Variants in ANK3 observed in about 807,000 individuals in gnomAD.
ANK3 encodes the protein ankyrin-3.
A neutral mutation model predicts 370.9 loss-of-function variants in ANK3; 57 were observed. The ratio of observed to expected loss-of-function variants is 0.15; its 90% CI spans 0.12 to 0.19. The LOEUF is 0.19. ANK3 is among the 10% of genes least tolerant of loss of function. ANK3 has a pLI of 1.00. For synonymous variants in ANK3, 1,929 were observed against 1,946.3 expected (o/e 0.99, Z 0.23); for missense variants, 4,439 against 5,302.1 (o/e 0.84, Z 5.06).
chr10:60,408,043 C>T (rs2063488139), intron 2 of ANK3, among the ~76,000 whole-genome samples: 1 of 152,214 alleles, frequency 6.6e-6, no homozygotes, highest in Admixed American at 6.5e-5. Context: ...ACTTACTTTC[C>T]AACCCACCTT....
intron 1 of ANK3, among the ~76,000 whole-genome samples, chr10:60,359,949 C>A (rs1268640249): frequency 6.6e-6 from 1 of 152,220 alleles, no homozygotes; most frequent in Non-Finnish European, 1.5e-5. Flanking sequence ...GGATTAAGCA[C>A]AACTCTACTA....
intron 43 of ANK3, among the ~76,000 whole-genome samples, chr10:60,033,952 A>G (rs1488833498): frequency 6.6e-6 from 1 of 152,076 alleles, no homozygotes; most frequent in African/African-American, 2.4e-5. Flanking sequence ...AAATTTTTTA[A>G]AACTCGATAA....
chr10:60,186,970 G>T (rs1470456466), intron 16 of ANK3, 58 bp from the exon 17 acceptor site: 1 of 1,488,488 alleles, frequency 6.7e-7, no homozygotes, highest in Non-Finnish European at 9.4e-7. Flanking sequence ...TGTGCACAGT[G>T]CATTTTCAAA....
intron 2 of ANK3, among the ~76,000 whole-genome samples, chr10:60,508,853 A>T (rs1048082331): frequency 1.3e-5 from 2 of 152,176 alleles, no homozygotes; most frequent in African/African-American, 4.8e-5. Context: ...CAGAAGTAGA[A>T]TATTTTCTTT....
intron 2 of ANK3, among the ~76,000 whole-genome samples, chr10:60,588,481 C>T (rs1484077424): frequency 1.3e-5 from 2 of 151,914 alleles, no homozygotes; most frequent in Non-Finnish European, 2.9e-5. Flanking sequence ...CAACGCCTGG[C>T]CTGTTTCTCA....
chr10:60,342,686 A>T (rs1456008183), intron 1 of ANK3, among the ~76,000 whole-genome samples: 1 of 152,174 alleles, frequency 6.6e-6, no homozygotes, highest in Non-Finnish European at 1.5e-5. Context: ...CTGAGCATTG[A>T]ACCAGACAAG....
chr10:60,530,831 G>A (rs1435699511), intron 2 of ANK3, among the ~76,000 whole-genome samples: 2 of 152,092 alleles, frequency 1.3e-5, no homozygotes, highest in Non-Finnish European at 2.9e-5. Flanking sequence ...GGTTGGGTGG[G>A]GGACATATCC....
intron 7 of ANK3, among the ~76,000 whole-genome samples, chr10:60,248,520 G>A (rs969588241): frequency 6.6e-6 from 1 of 151,796 alleles, no homozygotes; most frequent in Non-Finnish European, 1.5e-5. Flanking sequence ...TAGAAAAAGA[G>A]TTCTGCTACA....
At chr10:60,717,033 T>G (rs2079800655) in intron 1 of ANK3, among the ~76,000 whole-genome samples, 1 of 152,220 alleles carries the variant, frequency 6.6e-6, no homozygotes. Flanking sequence ...CCTCCTCACT[T>G]TATCCCTTGA....
chr10:60,635,479 T>C (rs890247793), intron 1 of ANK3, among the ~76,000 whole-genome samples: 5 of 152,186 alleles, frequency 3.3e-5, no homozygotes, highest in African/African-American at 7.2e-5. Flanking sequence ...TAAGGCCTGA[T>C]AGACCTAATA....
chr10:60,713,351 T>C (rs2133432011), intron 1 of ANK3, among the ~76,000 whole-genome samples: 1 of 152,260 alleles, frequency 6.6e-6, no homozygotes, highest in African/African-American at 2.4e-5. Context: ...AATACACTTC[T>C]AAATAACATG....
At chr10:60,255,154 C>A (rs2097717429) in intron 7 of ANK3, among the ~76,000 whole-genome samples, 1 of 152,104 alleles carries the variant, frequency 6.6e-6, no homozygotes, top group African/African-American at 2.4e-5. Flanking sequence ...CTTAAAAAAT[C>A]ATTATTACTA....
intron 1 of ANK3, among the ~76,000 whole-genome samples, chr10:60,654,945 G>T (rs1195704795): frequency 2.6e-5 from 4 of 152,056 alleles, no homozygotes; most frequent in Non-Finnish European, 5.9e-5. Flanking sequence ...AAGATTTTAA[G>T]GGAGCTGAAA....
At position 60,363,197 on chromosome 10, in the gene ANK3, A is replaced by T. The variant is rs563750115; in HGVS notation, c.114+26228T>A. 3.7e-4 allele frequency among the ~76,000 whole-genome samples: 56 copies of T among 152,236 alleles called. 1 individual carries two copies. The South Asian group carries it at 0.011, about 31-fold the overall frequency. On this transcript the variant is annotated intron_variant, in intron 1 of 43. Transcript: ENST00000280772. ...CTGCTTTTTTTGATAAAGGCACTGA[A>T]TAGCTGGCCCTGTCGTTCACTTCTT...
At chr10:60,708,039 A>G (rs959732595) in intron 1 of ANK3, among the ~76,000 whole-genome samples, 2 of 152,208 alleles carry the variant, frequency 1.3e-5, no homozygotes, top group Admixed American at 6.5e-5. Flanking sequence ...TGCAAAGGAC[A>G]TGAACTTCCC....
chr10:60,217,288 G>A (rs1170303113), intron 8 of ANK3, among the ~76,000 whole-genome samples: 1 of 151,764 alleles, frequency 6.6e-6, no homozygotes, highest in Non-Finnish European at 1.5e-5. Flanking sequence ...GTTATTTCTT[G>A]TCTTCTGCTA....
intron 2 of ANK3, among the ~76,000 whole-genome samples, chr10:60,607,467 T>C (rs2078143598): frequency 6.6e-6 from 1 of 152,156 alleles, no homozygotes; most frequent in Admixed American, 6.6e-5. Context: ...ACCTTAATCA[T>C]TGCAAAAGGC....
intron 21 of ANK3, among the ~76,000 whole-genome samples, chr10:60,170,242 T>C (rs1366340822): frequency 6.6e-6 from 1 of 152,210 alleles, no homozygotes; most frequent in African/African-American, 2.4e-5. Context: ...TGCCACATCA[T>C]GTATTTTACT....
At chr10:60,275,208 C>T (rs1294921039) in intron 4 of ANK3, among the ~76,000 whole-genome samples, 1 of 152,122 alleles carries the variant, frequency 6.6e-6, no homozygotes, top group African/African-American at 2.4e-5. Context: ...TCTCAAAAGG[C>T]AGAGCAGCTT....
Sources: gnomAD v4.1 joint callset for allele counts (sites outside exome capture counted in the v4.1 genomes callset) on GRCh38, gnomAD v4.1.1 for gene constraint, MANE v1.5 for transcripts, NCBI Gene and HGNC (gene_info 2026-07-23, HGNC 2026-07-21) for gene names.